RABGAP1L: variants seen among roughly 807,000 people sequenced by gnomAD.
The protein encoded by RABGAP1L is RAB GTPase activating protein 1 like, also known as rab GTPase-activating protein 1-like.
Under a neutral mutation model 137.7 loss-of-function variants are expected in RABGAP1L, and 63 were observed. The observed-to-expected ratio is 0.46, with a 90% CI of 0.37 to 0.56. The LOEUF is 0.56. RABGAP1L is among the 20% of genes least tolerant of loss of function. RABGAP1L has a pLI of 0.00. For missense variants in RABGAP1L, 1,095 were observed against 1,244.0 expected (o/e 0.88, Z 1.80); for synonymous variants, 431 against 433.7 (o/e 0.99, Z 0.08).
At chr1:174,906,207 C>T (rs549459840) in intron 19 of RABGAP1L, among the ~76,000 whole-genome samples, 8 of 152,132 alleles carry the variant, frequency 5.3e-5, no homozygotes, top group Non-Finnish European at 1.0e-4. Context: ...TTGGTAGAGA[C>T]GGGGTTTCAC....
At chr1:174,407,460 C>T in intron 13 of RABGAP1L, among the ~76,000 whole-genome samples, 1 of 152,152 alleles carries the variant, frequency 6.6e-6, no homozygotes, top group East Asian at 1.9e-4. Context: ...CCTTTTACTC[C>T]CCCCAGATCT....
chr1:174,366,324 A>G (rs1001998169), intron 11 of RABGAP1L, among the ~76,000 whole-genome samples: 12 of 152,096 alleles, frequency 7.9e-5, no homozygotes, highest in Non-Finnish European at 1.6e-4. Context: ...ACTTCCTCTT[A>G]TGCTTTCTTT....
chr1:174,838,120 T>C (rs1558132478), intron 19 of RABGAP1L, among the ~76,000 whole-genome samples: 2 of 152,230 alleles, frequency 1.3e-5, no homozygotes, highest in Admixed American at 6.5e-5. Flanking sequence ...TATGGACATT[T>C]ATCTTGGCAG....
chr1:174,728,630 C>G (rs1222327727), intron 17 of RABGAP1L, among the ~76,000 whole-genome samples: 1 of 129,512 alleles, frequency 7.7e-6, no homozygotes, highest in African/African-American at 2.9e-5. Flanking sequence ...TGGAGTCTCA[C>G]TGTGTTGCCC....
intron 13 of RABGAP1L, among the ~76,000 whole-genome samples, chr1:174,433,140 T>C (rs1243053935): frequency 6.6e-6 from 1 of 152,216 alleles, no homozygotes; most frequent in East Asian, 1.9e-4. Flanking sequence ...CTGAGATACA[T>C]GGAGAGAAAG....
intron 19 of RABGAP1L, among the ~76,000 whole-genome samples, chr1:174,892,065 C>T (rs981876031): frequency 5.3e-5 from 8 of 152,186 alleles, no homozygotes; most frequent in South Asian, 2.1e-4. Flanking sequence ...GCATGGTGGC[C>T]GCAGCGGTAG....
At chr1:174,548,850 T>C (rs1045252934) in intron 13 of RABGAP1L, among the ~76,000 whole-genome samples, 1 of 152,192 alleles carries the variant, frequency 6.6e-6, no homozygotes, top group Non-Finnish European at 1.5e-5. Context: ...TTTACAAGCT[T>C]AGTTAGAAGT....
chr1:174,588,811 T>C (rs1223451216), intron 13 of RABGAP1L, among the ~76,000 whole-genome samples: 1 of 152,194 alleles, frequency 6.6e-6, no homozygotes, highest in Non-Finnish European at 1.5e-5. Flanking sequence ...TAGTACTCCA[T>C]TGTGTACATG....
intron 18 of RABGAP1L, among the ~76,000 whole-genome samples, chr1:174,777,163 C>T (rs911586894): frequency 6.6e-6 from 1 of 152,114 alleles, no homozygotes; most frequent in Non-Finnish European, 1.5e-5. Context: ...GGTTACCTAT[C>T]CCAAAATATA....
At chr1:174,895,972 T>G (rs1657090173) in intron 19 of RABGAP1L, among the ~76,000 whole-genome samples, 1 of 152,252 alleles carries the variant, frequency 6.6e-6, no homozygotes, top group Admixed American at 6.5e-5. Flanking sequence ...ATGGGATGTC[T>G]GGGTCAAATG....
At chr1:174,259,387 G>A (rs1248538271) in intron 7 of RABGAP1L, among the ~76,000 whole-genome samples, 3 of 152,122 alleles carry the variant, frequency 2.0e-5, no homozygotes, top group Admixed American at 6.5e-5. Context: ...TCATTTTTCA[G>A]TTGAGGAAAC....
chr1:174,773,384 A>G (rs889714205), intron 18 of RABGAP1L, among the ~76,000 whole-genome samples: 2 of 152,126 alleles, frequency 1.3e-5, no homozygotes, highest in African/African-American at 4.8e-5. Flanking sequence ...CAAATAAATA[A>G]ATAAAAGCCA....
In RABGAP1L at chr1:174,962,152, G is replaced by A. The variant is rs568312559; in HGVS notation, c.2433+4603G>A. Among the ~76,000 whole-genome samples, 3 of 150,792 alleles carry A rather than the reference G, an allele frequency of 2.0e-5. No individual in the cohort carries two copies. In the East Asian group the frequency reaches 5.9e-4, roughly 29 times the overall value. ...ATCACGCCACTGCGCTCCAGCCTGG[G>A]CGACAGAGTGAGACTCCGTCTCAAA... On this transcript the variant is annotated intron_variant, in intron 20 of 25. Transcript: ENST00000681986.
Position 174,681,245 on chromosome 1 carries a change from A to T in RABGAP1L, c.1825-2277A>T, listed in dbSNP as rs568169865. 4.5e-4 allele frequency among the ~76,000 whole-genome samples: 69 copies of T among 152,240 alleles called. 1 individual carries two copies. The highest frequency in any genetic ancestry group is 7.8e-4 in the Non-Finnish European group (53 of 68,034). The stretch of plus-strand genomic sequence containing the variant: ...TTATTCAAGGAAAATGAAAATCTGT[A>T]TCCACAAACGCTGTGTATATATTTA... On this transcript the variant is annotated intron_variant, in intron 14 of 25. Coordinates refer to ENST00000681986, the MANE Select transcript of RABGAP1L (RefSeq NM_001366446.1).
At chr1:174,665,698 C>T (rs918903494) in intron 14 of RABGAP1L, among the ~76,000 whole-genome samples, 3 of 152,224 alleles carry the variant, frequency 2.0e-5, no homozygotes, top group African/African-American at 2.4e-5. Flanking sequence ...CTCCTGACCT[C>T]AGGTGATCCG....
In RABGAP1L at chr1:174,637,387, GA is replaced by G; in HGVS notation, c.1724del (p.Glu575GlyfsTer70). The part of the protein sequence containing the change: ...RILITKDSAQ[E>X]SVITRDIHRT... ...CTTTCTTTTTTAGGACTCAGCCCAG[GA>G]GAGTGTTATTACTCGAGATATTCAT... On this transcript the variant is annotated frameshift_variant, in exon 14 of 26. Transcript: ENST00000681986. LOFTEE classifies it high-confidence loss of function. The G allele has an allele frequency of 6.2e-7, 1 of 1,610,094 alleles. No individual in the cohort carries two copies. Among genetic ancestry groups the G allele is most frequent in the Non-Finnish European group, 8.5e-7 (1 of 1,176,420 alleles).
At chr1:174,950,660 T>C (rs1667568432) in intron 19 of RABGAP1L, among the ~76,000 whole-genome samples, 2 of 152,226 alleles carry the variant, frequency 1.3e-5, no homozygotes, top group African/African-American at 4.8e-5. Flanking sequence ...CCAAGGAAAG[T>C]GATACTATAT....
At chr1:174,680,231 C>G (rs1677953985) in intron 14 of RABGAP1L, among the ~76,000 whole-genome samples, 2 of 152,186 alleles carry the variant, frequency 1.3e-5, no homozygotes, top group African/African-American at 4.8e-5. Flanking sequence ...TGTTGAAATG[C>G]TAACCACCAA....
In RABGAP1L at chr1:174,922,945, A is replaced by G. The variant is rs377432421; in HGVS notation, c.2341-34512A>G. Among the ~76,000 whole-genome samples, 21 of 152,128 alleles carry G rather than the reference A, an allele frequency of 1.4e-4. 1 individual carries two copies. The highest frequency in any genetic ancestry group is 5.1e-4 in the African/African-American group (21 of 41,496). ...TCCCAGCACTTTGGGAGGCCCAGGT[A>G]GAAGGATCACTTGAGCCCAGGAATT... On this transcript the variant is annotated intron_variant, in intron 19 of 25. Transcript: ENST00000681986.
Sources: allele counts gnomAD v4.1 joint callset (sites outside exome capture counted in the v4.1 genomes callset), GRCh38; gene constraint gnomAD v4.1.1; transcripts MANE v1.5; gene names NCBI Gene and HGNC (gene_info 2026-07-23, HGNC 2026-07-21).